Variants in PPARGC1A observed in about 807,000 individuals in gnomAD.
The protein encoded by PPARGC1A is PPARG coactivator 1 alpha.
In PPARGC1A, 25 loss-of-function variants were observed where a neutral mutation model predicts 88.7. The ratio of observed to expected loss-of-function variants is 0.28; its 90% CI spans 0.21 to 0.39. The LOEUF (loss-of-function observed/expected upper bound fraction) is 0.39, where lower values mean the gene tolerates loss of function less well. Ranked by LOEUF, PPARGC1A falls within the 10% of genes least tolerant of loss-of-function variation. The pLI, the probability that PPARGC1A is intolerant of heterozygous loss-of-function variation, is 1.00. For missense variants in PPARGC1A, 880 were observed against 968.7 expected (o/e 0.91, Z 1.22); for synonymous variants, 363 against 355.6 (o/e 1.02, Z -0.24).
the PPARGC1A span, among the ~76,000 whole-genome samples, chr4:24,173,618 C>T: frequency 6.6e-6 from 1 of 152,146 alleles, no homozygotes; most frequent in Non-Finnish European, 1.5e-5. Flanking sequence ...AACCCAGCAG[C>T]TGGAAAAGTC....
At chr4:24,022,967 G>A in the PPARGC1A span, among the ~76,000 whole-genome samples, 1 of 152,092 alleles carries the variant, frequency 6.6e-6, no homozygotes, top group African/African-American at 2.4e-5. Context: ...ACCTCTAGGA[G>A]CTTAATATTT....
chr4:24,118,437 T>G, the PPARGC1A span, among the ~76,000 whole-genome samples: 2 of 152,136 alleles, frequency 1.3e-5, no homozygotes, highest in Non-Finnish European at 1.5e-5. Flanking sequence ...CACTTTTAAC[T>G]CAACTCCTGG....
At chr4:24,204,612 G>C in the PPARGC1A span, among the ~76,000 whole-genome samples, 1 of 152,092 alleles carries the variant, frequency 6.6e-6, no homozygotes, top group Non-Finnish European at 1.5e-5. Context: ...GAAGCAGAGA[G>C]TAAGAACTGG....
At chr4:24,311,381 G>A in the PPARGC1A span, among the ~76,000 whole-genome samples, 1 of 149,166 alleles carries the variant, frequency 6.7e-6, no homozygotes, top group African/African-American at 2.4e-5. Context: ...GATTACAGGC[G>A]TGAGCCACCA....
the PPARGC1A span, among the ~76,000 whole-genome samples, chr4:24,186,507 GT>G: frequency 6.6e-6 from 1 of 152,106 alleles, no homozygotes; most frequent in Non-Finnish European, 1.5e-5. Flanking sequence ...GGATCTTGGT[GT>G]CCTTCACTGC....
chr4:24,213,087 A>G, the PPARGC1A span, among the ~76,000 whole-genome samples: 1 of 151,810 alleles, frequency 6.6e-6, no homozygotes, highest in Non-Finnish European at 1.5e-5. Flanking sequence ...TCATGCTTCT[A>G]ATCTAGTCTT....
At chr4:24,290,054 T>C in the PPARGC1A span, among the ~76,000 whole-genome samples, 2 of 152,112 alleles carry the variant, frequency 1.3e-5, no homozygotes, top group African/African-American at 4.8e-5. Context: ...CTCATAAGAC[T>C]TATTCACTAT....
the PPARGC1A span, among the ~76,000 whole-genome samples, chr4:24,109,110 A>AT: frequency 3.1e-4 from 47 of 149,796 alleles, no homozygotes; most frequent in African/African-American, 9.4e-4. Flanking sequence ...CAGAAAAGGC[A>AT]TTTTTTTACC....
chr4:23,957,773 CCA>C, the PPARGC1A span, among the ~76,000 whole-genome samples: 15 of 152,144 alleles, frequency 9.9e-5, no homozygotes, highest in East Asian at 2.9e-3. Flanking sequence ...ATGTAGATAT[CCA>C]CATACACATA....
the PPARGC1A span, among the ~76,000 whole-genome samples, chr4:24,226,567 A>G: frequency 6.6e-6 from 1 of 152,222 alleles, no homozygotes; most frequent in African/African-American, 2.4e-5. Context: ...GAATAATCCC[A>G]GGAAAGCTAT....
At chr4:24,418,319 C>T in the PPARGC1A span, among the ~76,000 whole-genome samples, 1 of 152,174 alleles carries the variant, frequency 6.6e-6, no homozygotes, top group African/African-American at 2.4e-5. Flanking sequence ...GCTGTTATTA[C>T]ATTCGCTACA....
chr4:23,980,500 C>T, the PPARGC1A span, among the ~76,000 whole-genome samples: 1 of 152,120 alleles, frequency 6.6e-6, no homozygotes, highest in East Asian at 1.9e-4. Flanking sequence ...CTAATCTTTG[C>T]AAGCCATGAT....
the PPARGC1A span, among the ~76,000 whole-genome samples, chr4:24,004,924 G>A: frequency 1.3e-5 from 2 of 152,214 alleles, no homozygotes; most frequent in East Asian, 1.9e-4. Context: ...TGTGTATAAG[G>A]CCCATTGTAG....
At chr4:24,224,814 G>T in the PPARGC1A span, among the ~76,000 whole-genome samples, 2 of 152,200 alleles carry the variant, frequency 1.3e-5, no homozygotes, top group African/African-American at 4.8e-5. Context: ...GGGTAAGAGA[G>T]AAGCCTGCAG....
chr4:23,943,758 C>T, the PPARGC1A span, among the ~76,000 whole-genome samples: 47 of 152,280 alleles, frequency 3.1e-4, no homozygotes, highest in African/African-American at 1.1e-3. Flanking sequence ...TCAAAGTTAA[C>T]ATCATCATAA....
intron 10 of PPARGC1A, among the ~76,000 whole-genome samples, chr4:23,809,880 T>C (rs1232951694): frequency 6.6e-6 from 1 of 152,082 alleles, no homozygotes; most frequent in Admixed American, 6.6e-5. Context: ...TCTGAGGATG[T>C]TCTCCTTCAT....
chr4:24,092,882 A>T, the PPARGC1A span, among the ~76,000 whole-genome samples: 1 of 152,236 alleles, frequency 6.6e-6, no homozygotes, highest in South Asian at 2.1e-4. Flanking sequence ...CTCGAAATGT[A>T]TTCTACAAAT....
chr4:23,892,791 G>T (rs1004625972), upstream of PPARGC1A, among the ~76,000 whole-genome samples: 1 of 152,052 alleles, frequency 6.6e-6, no homozygotes, highest in Non-Finnish European at 1.5e-5. Flanking sequence ...GTATCACAAG[G>T]ACTGCCAAGA....
chr4:24,370,380 A>G, the PPARGC1A span, among the ~76,000 whole-genome samples: 2 of 152,222 alleles, frequency 1.3e-5, no homozygotes, highest in Non-Finnish European at 2.9e-5. Context: ...GACGGTGTAT[A>G]GACAAGACAG....
Sources: allele counts gnomAD v4.1 joint callset (sites outside exome capture counted in the v4.1 genomes callset), GRCh38; gene constraint gnomAD v4.1.1; transcripts MANE v1.5; gene names NCBI Gene and HGNC (gene_info 2026-07-23, HGNC 2026-07-21).